Variants in FAM13A observed in about 807,000 individuals in gnomAD.
The protein encoded by FAM13A is protein FAM13A.
In FAM13A, 76 loss-of-function variants were observed where a neutral mutation model predicts 129.6. That is an observed-to-expected ratio of 0.59 (90% CI 0.49 to 0.71). The LOEUF is 0.71. Among genes scored for constraint, FAM13A ranks in the 30% least tolerant of loss-of-function variants. The probability of loss-of-function intolerance (pLI) is 0.00; values close to 1 mark genes in which losing one functional copy is unlikely to be tolerated. For synonymous variants in FAM13A, 443 were observed against 449.9 expected, an observed-to-expected ratio of 0.98 and a Z score of 0.20; for missense variants, 1,108 against 1,249.3, an observed-to-expected ratio of 0.89 and a Z score of 1.70.
At chr4:89,013,653 G>A (rs1766047704) in intron 3 of FAM13A, among the ~76,000 whole-genome samples, 1 of 152,138 alleles carries the variant, frequency 6.6e-6, no homozygotes, top group Admixed American at 6.6e-5. Context: ...TGTTTGTGGT[G>A]ATGCTGGTGT....
chr4:88,847,419 A>T (rs760940193), intron 7 of FAM13A, among the ~76,000 whole-genome samples: 77 of 152,182 alleles, frequency 5.1e-4, no homozygotes, highest in Non-Finnish European at 7.2e-4. Context: ...AAAAAATATA[A>T]GAAATGTATA....
chr4:88,961,662 T>C (rs1251842428), intron 4 of FAM13A, among the ~76,000 whole-genome samples: 1 of 152,092 alleles, frequency 6.6e-6, no homozygotes, highest in Non-Finnish European at 1.5e-5. Flanking sequence ...CCACCTTGTC[T>C]GGCCAGAACT....
chr4:88,918,744 T>C (rs1750520521), intron 5 of FAM13A, among the ~76,000 whole-genome samples: 1 of 152,240 alleles, frequency 6.6e-6, no homozygotes, highest in South Asian at 2.1e-4. Flanking sequence ...AGTATTCAAC[T>C]AAGCTTTGTG....
At chr4:88,753,370 A>G (rs1045323256) in intron 14 of FAM13A, among the ~76,000 whole-genome samples, 1 of 152,184 alleles carries the variant, frequency 6.6e-6, no homozygotes, top group Non-Finnish European at 1.5e-5. Flanking sequence ...ATTCTTGATC[A>G]GTTGCTTTAC....
chr4:88,946,030 CA>C (rs1476311010), intron 4 of FAM13A, among the ~76,000 whole-genome samples: 2 of 67,028 alleles, frequency 3.0e-5, no homozygotes, highest in Non-Finnish European at 5.8e-5. Context: ...ATATGTAATC[CA>C]AATCAGCTGT....
At chr4:89,026,616 G>A (rs919599889) in intron 2 of FAM13A, among the ~76,000 whole-genome samples, 1 of 152,136 alleles carries the variant, frequency 6.6e-6, no homozygotes. Context: ...AAGGCAGCAG[G>A]AAGAAGAAGT....
intron 4 of FAM13A, among the ~76,000 whole-genome samples, chr4:88,969,393 G>A (rs979431435): frequency 6.6e-6 from 1 of 152,112 alleles, no homozygotes; most frequent in Non-Finnish European, 1.5e-5. Flanking sequence ...GAAATGATCA[G>A]GAGAGGCTTC....
At chr4:89,007,638 T>C (rs578117546) in intron 3 of FAM13A, among the ~76,000 whole-genome samples, 68 of 152,280 alleles carry the variant, frequency 4.5e-4, no homozygotes, top group African/African-American at 1.4e-3. Flanking sequence ...TTTGGAGTCA[T>C]TGTTATACAG....
chr4:88,952,435 A>T (rs1757084948), intron 4 of FAM13A, among the ~76,000 whole-genome samples: 1 of 152,228 alleles, frequency 6.6e-6, no homozygotes, highest in South Asian at 2.1e-4. Context: ...TCTCAATGTT[A>T]TTTTAATAGT....
intron 6 of FAM13A, among the ~76,000 whole-genome samples, chr4:88,874,711 C>T (rs1347180087): frequency 6.6e-6 from 1 of 152,136 alleles, no homozygotes; most frequent in African/African-American, 2.4e-5. Context: ...AATGGCCATA[C>T]CGCCCAAGGT....
chr4:89,045,916 C>A (rs1282036035), intron 1 of FAM13A, among the ~76,000 whole-genome samples: 1 of 151,142 alleles, frequency 6.6e-6, no homozygotes, highest in Non-Finnish European at 1.5e-5. Flanking sequence ...CCCAGCTACT[C>A]GGGAGGCTGA....
intron 1 of FAM13A, 23 bp from the exon 2 acceptor site, chr4:89,029,672 G>A (rs987600663): frequency 2.7e-5 from 42 of 1,565,654 alleles, no homozygotes; most frequent in Non-Finnish European, 3.1e-5. Context: ...TAAGAAAAAA[G>A]AGCAGTCAGT....
intron 14 of FAM13A, 51 bp from the exon 15 acceptor site, chr4:88,750,688 T>C (rs1742396592): frequency 1.4e-6 from 2 of 1,425,338 alleles, no homozygotes; most frequent in East Asian, 4.6e-5. Context: ...GAGGTCAGGG[T>C]TGTTCTTTAA....
intron 5 of FAM13A, among the ~76,000 whole-genome samples, chr4:88,914,231 A>G (rs952750711): frequency 3.3e-5 from 5 of 152,140 alleles, no homozygotes; most frequent in Non-Finnish European, 5.9e-5. Flanking sequence ...ATCATTGTTC[A>G]CCTAAATTAT....
chr4:88,784,294 T>C (rs2149637224), intron 10 of FAM13A, among the ~76,000 whole-genome samples: 1 of 152,342 alleles, frequency 6.6e-6, no homozygotes, highest in South Asian at 2.1e-4. Flanking sequence ...CACCTTATAG[T>C]ACTGGGTGCT....
At chr4:88,856,666 G>A (rs1437637816) in intron 6 of FAM13A, among the ~76,000 whole-genome samples, 2 of 152,150 alleles carry the variant, frequency 1.3e-5, no homozygotes, top group Admixed American at 6.5e-5. Flanking sequence ...GATTGAGATC[G>A]AAGGACAAAA....
intron 7 of FAM13A, among the ~76,000 whole-genome samples, chr4:88,816,259 G>A (rs568690816): frequency 6.6e-5 from 10 of 152,046 alleles, no homozygotes; most frequent in South Asian, 2.1e-4. Flanking sequence ...CAAATACTCC[G>A]CAATGTAAAC....
chr4:89,044,338 G>T (rs1208369536), intron 1 of FAM13A, among the ~76,000 whole-genome samples: 1 of 152,120 alleles, frequency 6.6e-6, no homozygotes, highest in East Asian at 1.9e-4. Context: ...AACATCACTG[G>T]TCTTTAGGGA....
intron 4 of FAM13A, among the ~76,000 whole-genome samples, chr4:88,987,008 C>A (rs1762319624): frequency 1.3e-5 from 2 of 152,046 alleles, no homozygotes; most frequent in South Asian, 4.1e-4. Context: ...AAACCAAAGC[C>A]CCTTGGAGAA....
Sources: allele counts gnomAD v4.1 joint callset (sites outside exome capture counted in the v4.1 genomes callset), GRCh38; gene constraint gnomAD v4.1.1; transcripts MANE v1.5; gene names NCBI Gene and HGNC (gene_info 2026-07-23, HGNC 2026-07-21).